Variants in CDH4 observed in about 807,000 individuals in gnomAD.
CDH4 encodes the protein cadherin 4.
In CDH4, 33 loss-of-function variants were observed where a neutral mutation model predicts 86.0. The observed-to-expected ratio is 0.38, with a 90% CI of 0.29 to 0.51. CDH4 has a LOEUF of 0.51. Among genes scored for constraint, CDH4 ranks in the 20% least tolerant of loss-of-function variants. The pLI is 0.86. For missense variants in CDH4, 1,114 were observed against 1,307.4 expected (o/e 0.85, Z 2.28); for synonymous variants, 555 against 549.4 (o/e 1.01, Z -0.14).
chr20:61,288,032 C>T (rs1472184980), intron 2 of CDH4, among the ~76,000 whole-genome samples: 3 of 152,192 alleles, frequency 2.0e-5, no homozygotes, highest in Non-Finnish European at 4.4e-5. Flanking sequence ...AAACGACAGC[C>T]AACAGGATTT....
chr20:61,727,345 A>C (rs2088127853), intron 2 of CDH4, among the ~76,000 whole-genome samples: 1 of 146,616 alleles, frequency 6.8e-6, no homozygotes, highest in South Asian at 2.1e-4. Context: ...CGGTGCCTTC[A>C]TCACCATTGG....
chr20:61,706,132 C>T (rs2087827058), intron 2 of CDH4, among the ~76,000 whole-genome samples: 1 of 152,178 alleles, frequency 6.6e-6, no homozygotes, highest in African/African-American at 2.4e-5. Context: ...AACAGCCGGC[C>T]CGACGCCTGC....
chr20:61,747,589 A>C (rs1384772699), intron 3 of CDH4, among the ~76,000 whole-genome samples: 1 of 152,244 alleles, frequency 6.6e-6, no homozygotes. Flanking sequence ...CAGAATTCTT[A>C]ATCGTTGGGC....
At chr20:61,294,338 C>T (rs551472780) in intron 2 of CDH4, among the ~76,000 whole-genome samples, 3 of 152,294 alleles carry the variant, frequency 2.0e-5, no homozygotes, top group Admixed American at 2.0e-4. Context: ...GGTGAAGTCT[C>T]ATGACCTGCC....
chr20:61,741,520 C>T (rs2088334403), intron 2 of CDH4, among the ~76,000 whole-genome samples: 1 of 150,794 alleles, frequency 6.6e-6, no homozygotes, highest in African/African-American at 2.5e-5. Context: ...GAGACCGAGT[C>T]TCGCTCTGTT....
chr20:61,335,099 T>C (rs1056353784), intron 2 of CDH4, among the ~76,000 whole-genome samples: 14 of 152,208 alleles, frequency 9.2e-5, no homozygotes, highest in African/African-American at 3.4e-4. Flanking sequence ...TTGTTCAGCA[T>C]GAGCCACTTT....
intron 2 of CDH4, among the ~76,000 whole-genome samples, chr20:61,397,598 C>T (rs2085025469): frequency 6.6e-6 from 1 of 152,150 alleles, no homozygotes; most frequent in South Asian, 2.1e-4. Flanking sequence ...TAAATCCTGT[C>T]ATTTTCTTCA....
At chr20:61,720,355 T>G (rs989637357) in intron 2 of CDH4, among the ~76,000 whole-genome samples, 1 of 151,398 alleles carries the variant, frequency 6.6e-6, no homozygotes, top group African/African-American at 2.4e-5. Flanking sequence ...AACTTGAGAG[T>G]GATGCAGGGG....
At chr20:61,453,233 T>G (rs1019162593) in intron 2 of CDH4, among the ~76,000 whole-genome samples, 17 of 152,344 alleles carry the variant, frequency 1.1e-4, no homozygotes, top group South Asian at 6.2e-4. Flanking sequence ...AATTGTCAAA[T>G]TGAAGCATTC....
In CDH4 at chr20:61,625,810, C is replaced by T. The variant is rs145999117; in HGVS notation, c.170-117753C>T. On this transcript the variant is annotated intron_variant, in intron 2 of 15. Coordinates refer to ENST00000614565, the MANE Select transcript of CDH4 (RefSeq NM_001794.5). ...GGGCAGTTATACCACATCATCTGTA[C>T]TTACCAGATAAGGATGCCAAGGCTC... Among the ~76,000 whole-genome samples the T allele has an allele frequency of 2.0e-3, 302 of 152,344 alleles. 2 individuals are homozygous for T. The highest frequency in any genetic ancestry group is 6.9e-3 in the African/African-American group (285 of 41,568).
chr20:61,823,605 C>G (rs1010974856), intron 4 of CDH4, among the ~76,000 whole-genome samples: 1 of 152,250 alleles, frequency 6.6e-6, no homozygotes, highest in Non-Finnish European at 1.5e-5. Flanking sequence ...CAAAGATACA[C>G]TAAAATGTGG....
rs541288319 is a variant in CDH4 at position 61,518,809 on chromosome 20, A to G, written c.170-224754A>G. On this transcript the variant is annotated intron_variant, in intron 2 of 15. Transcript: ENST00000614565. The surrounding 1 kb of genome is among the most constrained non-coding windows in gnomAD (Gnocchi z 6.3). ...CCATCATTCATTCATCCATCCACCC[A>G]TCATCCATCCATTAATCCATCATTC... is the stretch of plus-strand genomic sequence containing the variant. Among the ~76,000 whole-genome samples the G allele has an allele frequency of 2.0e-5, 3 of 151,668 alleles. No homozygotes were observed. In the South Asian group the frequency reaches 6.3e-4, roughly 32 times the overall value.
chr20:61,444,955 GTA>G (rs1473838618), intron 2 of CDH4, among the ~76,000 whole-genome samples: 1 of 152,002 alleles, frequency 6.6e-6, no homozygotes, highest in African/African-American at 2.4e-5. Context: ...GTATCTGTGT[GTA>G]TATGTGTGTG....
intron 2 of CDH4, among the ~76,000 whole-genome samples, chr20:61,736,012 G>A (rs2088258765): frequency 6.6e-6 from 1 of 152,164 alleles, no homozygotes; most frequent in Non-Finnish European, 1.5e-5. Flanking sequence ...TCTGGGTGTG[G>A]CTTCCACTCA....
chr20:61,639,833 A>G (rs945162611), intron 2 of CDH4, among the ~76,000 whole-genome samples: 11 of 152,020 alleles, frequency 7.2e-5, no homozygotes, highest in African/African-American at 2.4e-4. Context: ...TCCTTTTTAT[A>G]GTGAGAATAC....
At chr20:61,646,983 G>A (rs901374124) in intron 2 of CDH4, among the ~76,000 whole-genome samples, 1 of 152,244 alleles carries the variant, frequency 6.6e-6, no homozygotes, top group African/African-American at 2.4e-5. Context: ...GCTCCAGGGA[G>A]TGGGCTCTCG....
At chr20:61,347,848 G>T (rs2084688777) in intron 2 of CDH4, among the ~76,000 whole-genome samples, 1 of 152,222 alleles carries the variant, frequency 6.6e-6, no homozygotes, top group Non-Finnish European at 1.5e-5. Context: ...CAGGTGGGAA[G>T]CATGGCGTTT....
rs2055008215 is a variant in CDH4, at chr20:61,923,519, C to T, written c.1443C>T (p.Ala481=). The T allele has an allele frequency of 6.2e-7, 1 of 1,614,086 alleles. No individual in the cohort carries two copies. Among genetic ancestry groups the T allele is most frequent in the African/African-American group, 1.3e-5 (1 of 74,946 alleles). The change falls in exon 10 of 16, where the codon GCC becomes GCT. Residue 481 remains alanine (A), a synonymous_variant. Coordinates refer to ENST00000614565, the MANE Select transcript of CDH4 (RefSeq NM_001794.5). ...TGGTGTCCAACCAGGCGCCCCTGGC[C>T]AGCGGAATCCAGATGTCCTTCCAGT... is the stretch of plus-strand genomic sequence containing the variant. ...TVMVSNQAPL[A]SGIQMSFQST... is the part of the protein sequence containing the mutation.
chr20:61,315,938 C>T (rs2084474011), intron 2 of CDH4, among the ~76,000 whole-genome samples: 1 of 152,114 alleles, frequency 6.6e-6, no homozygotes, highest in African/African-American at 2.4e-5. Flanking sequence ...TTTCAAACTC[C>T]TGAGCTCAAG....
Sources: allele counts gnomAD v4.1 joint callset (sites outside exome capture counted in the v4.1 genomes callset), GRCh38; gene constraint gnomAD v4.1.1; non-coding constraint Gnocchi (gnomAD v3.1); transcripts MANE v1.5; gene names NCBI Gene and HGNC (gene_info 2026-07-23, HGNC 2026-07-21).